Variants in PDZRN3 observed in about 807,000 individuals in gnomAD.
PDZRN3 encodes the protein E3 ubiquitin-protein ligase PDZRN3.
Under a neutral mutation model 85.7 loss-of-function variants are expected in PDZRN3, and 38 were observed. The observed-to-expected ratio is 0.44, with a 90% confidence interval of 0.34 to 0.58. The LOEUF (loss-of-function observed/expected upper bound fraction) is 0.58. PDZRN3 is among the 20% of genes least tolerant of loss of function. PDZRN3 has a pLI of 0.01. For synonymous variants in PDZRN3, 759 were observed against 638.0 expected, an observed-to-expected ratio of 1.19 and a Z score of -2.86; for missense variants, 1,629 against 1,506.4, an observed-to-expected ratio of 1.08 and a Z score of -1.35.
In PDZRN3 at chr3:73,383,639, T is replaced by G; in HGVS notation, c.2927A>C (p.Glu976Ala). Reference sequence around the variant, plus strand: ...CTTCACCAGGTGCTGCTTCCTCTCCTCCTTGCTCCAGTAGCGCCCCATCTT... The same window carrying G: ...CTTCACCAGGTGCTGCTTCCTCTCCGCCTTGCTCCAGTAGCGCCCCATCTT... ...EMKMGRYWSK[E>A]ERKQHLVKAK... Residue 976 changes from glutamate (E) to alanine (A), a missense_variant, in exon 10 of 10, where the codon GAG (glutamate) becomes GCG (alanine). Coordinates refer to ENST00000263666, the MANE Select transcript of PDZRN3 (RefSeq NM_015009.3). 6.2e-7 allele frequency: 1 copy of G among 1,613,544 alleles called. No homozygotes were observed. Among genetic ancestry groups the G allele is most frequent in the South Asian group, 1.1e-5 (1 of 91,066 alleles).
intron 3 of PDZRN3, among the ~76,000 whole-genome samples, chr3:73,520,985 A>C (rs1704350669): frequency 6.6e-6 from 1 of 152,218 alleles, no homozygotes; most frequent in Admixed American, 6.5e-5. Context: ...GGAGCTAGTG[A>C]AGGAATGTGT....
chr3:73,609,528 T>C (rs1702652275), intron 1 of PDZRN3, among the ~76,000 whole-genome samples: 1 of 152,218 alleles, frequency 6.6e-6, no homozygotes, highest in African/African-American at 2.4e-5. Flanking sequence ...AACTCGCTGA[T>C]ACACCTTTGA....
chr3:73,622,978 G>C (rs1166416340), intron 1 of PDZRN3, among the ~76,000 whole-genome samples: 3 of 152,246 alleles, frequency 2.0e-5, no homozygotes, highest in African/African-American at 4.8e-5. Context: ...CTGTGACCCA[G>C]GCATGAAACT....
intron 3 of PDZRN3, among the ~76,000 whole-genome samples, chr3:73,478,544 ATAT>A (rs1703501877): frequency 6.6e-6 from 1 of 150,966 alleles, no homozygotes; most frequent in African/African-American, 2.4e-5. Context: ...TGTAATAATA[ATAT>A]AATAATAATG....
chr3:73,463,822 T>G lies in PDZRN3; in HGVS notation c.919-59427A>C, dbSNP rs567008749. Among the ~76,000 whole-genome samples, 7 of 152,236 alleles carry G rather than the reference T, an allele frequency of 4.6e-5. No homozygotes were observed. The East Asian group carries it at 1.3e-3, about 29-fold the overall frequency. On this transcript the variant is annotated intron_variant, in intron 3 of 9. Transcript: ENST00000263666. ...AAGAAAATGTGGTACATATACACCA[T>G]GGAAAAATAACTAATGGATAGTAGA... is the stretch of plus-strand genomic sequence containing the variant.
intron 3 of PDZRN3, among the ~76,000 whole-genome samples, chr3:73,409,875 A>G (rs527646670): frequency 1.3e-5 from 2 of 152,368 alleles, no homozygotes; most frequent in East Asian, 3.9e-4. Context: ...CTAAGTACCT[A>G]TTTATGGGGG....
At chr3:73,568,936 T>C (rs1269859681) in intron 3 of PDZRN3, among the ~76,000 whole-genome samples, 1 of 152,196 alleles carries the variant, frequency 6.6e-6, no homozygotes, top group Non-Finnish European at 1.5e-5. Context: ...ATTTGCACTG[T>C]AGCAGGGAAG....
At chr3:73,537,454 C>T (rs1442327231) in intron 3 of PDZRN3, among the ~76,000 whole-genome samples, 10 of 152,140 alleles carry the variant, frequency 6.6e-5, no homozygotes, top group African/African-American at 2.4e-4. Context: ...GTGGCTTAAA[C>T]CTGTGACACT....
chr3:73,575,082 T>C (rs915319883), intron 3 of PDZRN3, among the ~76,000 whole-genome samples: 10 of 152,228 alleles, frequency 6.6e-5, no homozygotes, highest in Non-Finnish European at 8.8e-5. Context: ...AAGGACTTCA[T>C]GTTTATCACA....
intron 3 of PDZRN3, among the ~76,000 whole-genome samples, chr3:73,513,413 G>A (rs777487907): frequency 5.3e-5 from 8 of 152,172 alleles, no homozygotes; most frequent in Non-Finnish European, 8.8e-5. Context: ...AAAGATGGTC[G>A]TTAGAGGTAA....
intron 2 of PDZRN3, among the ~76,000 whole-genome samples, chr3:73,603,352 T>C (rs1262898258): frequency 6.6e-6 from 1 of 152,222 alleles, no homozygotes; most frequent in Admixed American, 6.5e-5. Flanking sequence ...TCAAACTCCT[T>C]CCTTTCCTTA....
rs562049849 is a variant in PDZRN3, at chr3:73,413,809, A to G, written c.919-9414T>C. ...TGTTCCAGTGAGAAGGATACTTGCC[A>G]AAGGAGAACGTTCATGGTGCATGCC... On this transcript the variant is annotated intron_variant, in intron 3 of 9. Transcript: ENST00000263666. Among the ~76,000 whole-genome samples, 4 of 152,258 alleles carry G rather than the reference A, an allele frequency of 2.6e-5. No individual in the cohort carries two copies. The East Asian group carries it at 7.7e-4, about 29-fold the overall frequency.
intron 2 of PDZRN3, among the ~76,000 whole-genome samples, chr3:73,604,749 G>C (rs1320660025): frequency 6.6e-6 from 1 of 152,226 alleles, no homozygotes; most frequent in Non-Finnish European, 1.5e-5. Context: ...GAAAGAGGGA[G>C]ATAGGGGATA....
intron 8 of PDZRN3, 99 bp from the exon 9 acceptor site, chr3:73,385,884 G>A: frequency 1.3e-6 from 1 of 742,974 alleles, no homozygotes; most frequent in Non-Finnish European, 2.4e-6. Flanking sequence ...AATATTTCTA[G>A]GGCTTCCTCC....
At chr3:73,456,088 T>G (rs1702970530) in intron 3 of PDZRN3, among the ~76,000 whole-genome samples, 2 of 152,236 alleles carry the variant, frequency 1.3e-5, no homozygotes, top group African/African-American at 4.8e-5. Flanking sequence ...AAAATGGGCT[T>G]TGCTTTCTTG....
chr3:73,472,513 C>T (rs993424098), intron 3 of PDZRN3, among the ~76,000 whole-genome samples: 1 of 152,186 alleles, frequency 6.6e-6, no homozygotes, highest in Non-Finnish European at 1.5e-5. Context: ...ACACATATGG[C>T]TGAGACAATG....
intron 3 of PDZRN3, among the ~76,000 whole-genome samples, chr3:73,531,501 T>G (rs962388417): frequency 5.0e-4 from 76 of 152,316 alleles, no homozygotes; most frequent in African/African-American, 1.8e-3. Flanking sequence ...GCTCCATGGC[T>G]GGTTATAGTG....
At chr3:73,537,778 C>A (rs947757915) in intron 3 of PDZRN3, among the ~76,000 whole-genome samples, 1 of 142,340 alleles carries the variant, frequency 7.0e-6, no homozygotes, top group Admixed American at 7.1e-5. Context: ...CGCCACCACA[C>A]CCGGCTAATT....
intron 2 of PDZRN3, among the ~76,000 whole-genome samples, chr3:73,604,622 G>A (rs9822882): frequency 0.1 from 15,915 of 152,086 alleles, 1,302 homozygotes; most frequent in African/African-American, 0.23. Context: ...GAGTCTCAAT[G>A]GACCACAAAA....
Sources: gnomAD v4.1 joint callset for allele counts (sites outside exome capture counted in the v4.1 genomes callset) on GRCh38, gnomAD v4.1.1 for gene constraint, MANE v1.5 for transcripts, NCBI Gene and HGNC (gene_info 2026-07-23, HGNC 2026-07-21) for gene names.